Variants in SNAP29 observed in about 807,000 individuals in gnomAD.
The protein encoded by SNAP29 is synaptosomal-associated protein 29.
A neutral mutation model predicts 27.9 loss-of-function variants in SNAP29; 13 were observed. The ratio of observed to expected loss-of-function variants is 0.47; its 90% CI spans 0.30 to 0.74. The LOEUF (loss-of-function observed/expected upper bound fraction) is 0.74, where lower values mean the gene tolerates loss of function less well. SNAP29 is among the 30% of genes least tolerant of loss of function. SNAP29 has a pLI of 0.06. For synonymous variants in SNAP29, 119 were observed against 127.1 expected (o/e 0.94, Z 0.43); for missense variants, 368 against 336.5 (o/e 1.09, Z -0.73).
chr22:20,883,049 A>C (rs925135650), intron 3 of SNAP29, among the ~76,000 whole-genome samples: 1 of 151,820 alleles, frequency 6.6e-6, no homozygotes, highest in Non-Finnish European at 1.5e-5. Context: ...GTGTAGAAAT[A>C]AATTTCAGAA....
In SNAP29 at chr22:20,883,556, C is replaced by A. The variant is rs267606180; in HGVS notation, c.606C>A (p.Ile202=). 17 of 1,610,010 alleles carry A rather than the reference C, an allele frequency of 1.1e-5. No individual in the cohort carries two copies. The Admixed American group carries it at 2.3e-4, about 22-fold the overall frequency. The change falls in exon 4 of 5, where the codon ATC becomes ATA. Residue 202 remains isoleucine (I), a synonymous_variant. Coordinates refer to ENST00000215730, the MANE Select transcript of SNAP29 (RefSeq NM_004782.4). ...ACCTTCGAGCCTATCACCAGAAGAT[C>A]GACAGCAACCTAGGTAAGACTGAGC... ...NPHLRAYHQK[I]DSNLDELSMG...
In SNAP29 at chr22:20,887,977, T is replaced by G; in HGVS notation, c.*141T>G. On this transcript the variant is annotated 3_prime_UTR_variant, in exon 5 of 5. Coordinates refer to ENST00000215730, the MANE Select transcript of SNAP29 (RefSeq NM_004782.4). Reference sequence around the variant, plus strand: ...TATAATAGAGTAGGTCTTAAGACATTTTTGCTGTTATAAGGAAGTGTTTGT... The same window carrying G: ...TATAATAGAGTAGGTCTTAAGACATGTTTGCTGTTATAAGGAAGTGTTTGT... 1 of 861,030 alleles carries G rather than the reference T, an allele frequency of 1.2e-6. No homozygotes were observed. The highest frequency in any genetic ancestry group is 1.8e-6 in the Non-Finnish European group (1 of 542,286). 53.3% of individuals were successfully genotyped at this position (861,030 alleles called of 1,614,324 possible). A position where few individuals can be genotyped will look rare whatever the true frequency, so the allele number is the denominator to read the frequency against.
intron 2 of SNAP29, among the ~76,000 whole-genome samples, chr22:20,872,423 C>T (rs1285397267): frequency 6.6e-6 from 1 of 150,434 alleles, no homozygotes. Flanking sequence ...TTTTTTGAGA[C>T]GGAGTCTCAC....
chr22:20,888,277 G>A lies in SNAP29; in HGVS notation c.*441G>A. 3.6e-6 allele frequency: 1 copy of A among 274,666 alleles called. No individual in the cohort carries two copies. The highest frequency in any genetic ancestry group is 7.0e-6 in the Non-Finnish European group (1 of 143,582). The allele number at this position is 274,666 out of a possible 1,614,324, so 17.0% of individuals were successfully genotyped here. ...GTGAACCAGTCGTTTGGTGGAGGAG[G>A]GTCCTTCCCACACCTTTGTTTAGGA... On this transcript the variant is annotated 3_prime_UTR_variant, in exon 5 of 5. Coordinates refer to ENST00000215730, the MANE Select transcript of SNAP29 (RefSeq NM_004782.4).
chr22:20,883,240 G>A (rs1211759535), intron 3 of SNAP29, among the ~76,000 whole-genome samples: 1 of 152,130 alleles, frequency 6.6e-6, no homozygotes, highest in East Asian at 1.9e-4. Flanking sequence ...GAGGGTGTTT[G>A]ATCTCCCAAG....
chr22:20,873,676 A>G (rs962839639), intron 2 of SNAP29, among the ~76,000 whole-genome samples: 1 of 151,746 alleles, frequency 6.6e-6, no homozygotes, highest in African/African-American at 2.4e-5. Flanking sequence ...ACAGAAAAAC[A>G]CAAAAATGAA....
chr22:20,869,015 G>A (rs178071), intron 1 of SNAP29, among the ~76,000 whole-genome samples: 73,910 of 151,958 alleles, frequency 0.49, 18,475 homozygotes, highest in African/African-American at 0.58. Flanking sequence ...GGTGGCTCAT[G>A]CCTGTAATCC....
chr22:20,861,105 C>T (rs887441862), intron 1 of SNAP29, among the ~76,000 whole-genome samples: 1 of 150,736 alleles, frequency 6.6e-6, no homozygotes, highest in South Asian at 2.1e-4. Flanking sequence ...CCTCATTGAT[C>T]CACCTCCCTG....
chr22:20,882,084 G>A lies in SNAP29; in HGVS notation c.520+950G>A, dbSNP rs2266950. 7.6e-3 allele frequency among the ~76,000 whole-genome samples: 1,160 copies of A among 152,008 alleles called. 11 individuals carry two copies. The highest frequency in any genetic ancestry group is 0.055 in the East Asian group (283 of 5,152). On this transcript the variant is annotated intron_variant, in intron 3 of 4. Transcript: ENST00000215730. ...AAGGGGCCCACCTGCCAAGGTACAC[G>A]GGTGAACTGTAGAAACTGCAAAAGG... is the stretch of plus-strand genomic sequence containing the variant.
At chr22:20,860,004 C>T (rs1295321105) in intron 1 of SNAP29, among the ~76,000 whole-genome samples, 1 of 152,166 alleles carries the variant, frequency 6.6e-6, no homozygotes, top group Non-Finnish European at 1.5e-5. Flanking sequence ...GTTGCTCCAA[C>T]TCATCTTCAT....
intron 3 of SNAP29, among the ~76,000 whole-genome samples, chr22:20,882,627 T>G (rs1928915447): frequency 6.6e-6 from 1 of 151,918 alleles, no homozygotes; most frequent in Non-Finnish European, 1.5e-5. Flanking sequence ...AGGAAGTGAG[T>G]GTAAATTGAA....
Position 20,859,359 on chromosome 22 carries a change from G to T in SNAP29, c.237+12G>T. The T allele has an allele frequency of 1.3e-6, 2 of 1,579,264 alleles. No homozygotes were observed. The highest frequency in any genetic ancestry group is 1.7e-6 in the Non-Finnish European group (2 of 1,148,334). On this transcript the variant is annotated intron_variant, in intron 1 of 4. Transcript: ENST00000215730. ...TCGCCTCTTCCGAGGTGAGCCTGGG[G>T]CAGGGCTGGTGTGGACTCGCCGGTC...
At position 20,890,146 on chromosome 22, in the gene SNAP29, C is replaced by G. The variant is rs1929114919; in HGVS notation, c.*2310C>G. On this transcript the variant is annotated 3_prime_UTR_variant, in exon 5 of 5. Coordinates refer to ENST00000215730, the MANE Select transcript of SNAP29 (RefSeq NM_004782.4). ...TCCTTTCTGCCACTTCTTCCCCACT[C>G]CCATGCCCAGGAAGGCCTGGTTGCT... 2.5e-6 allele frequency: 1 copy of G among 396,958 alleles called. No homozygotes were observed. The highest frequency in any genetic ancestry group is 4.4e-6 in the Non-Finnish European group (1 of 225,478). 24.6% of individuals were successfully genotyped at this position (396,958 alleles called of 1,614,324 possible). A position where few individuals can be genotyped will look rare whatever the true frequency, so the allele number is the denominator to read the frequency against.
intron 1 of SNAP29, among the ~76,000 whole-genome samples, chr22:20,864,428 G>T (rs1928409968): frequency 6.6e-6 from 1 of 152,102 alleles, no homozygotes; most frequent in Non-Finnish European, 1.5e-5. Context: ...ACCCCTCCTG[G>T]CCCAGGAGCA....
intron 2 of SNAP29, among the ~76,000 whole-genome samples, chr22:20,876,569 T>G (rs1356322649): frequency 8.1e-6 from 1 of 122,862 alleles, no homozygotes; most frequent in Non-Finnish European, 1.8e-5. Context: ...ACTTAAAAGC[T>G]TTTTTTTTTT....
intron 2 of SNAP29, among the ~76,000 whole-genome samples, chr22:20,872,196 A>G (rs1928609322): frequency 6.6e-6 from 1 of 151,896 alleles, no homozygotes; most frequent in Non-Finnish European, 1.5e-5. Context: ...CTCAGGTTCC[A>G]TAACCATCTC....
chr22:20,859,611 C>T (rs1928185481), intron 1 of SNAP29: 1 of 527,452 alleles, frequency 1.9e-6, no homozygotes. Context: ...GCCTAGCTCA[C>T]GGGGAAACGC....
intron 1 of SNAP29, among the ~76,000 whole-genome samples, chr22:20,867,795 A>G (rs1172172697): frequency 2.0e-5 from 3 of 152,216 alleles, no homozygotes; most frequent in Admixed American, 1.3e-4. Context: ...TCTCTTGTGA[A>G]TAAGAGAAAA....
At chr22:20,882,400 G>T (rs916430188) in intron 3 of SNAP29, among the ~76,000 whole-genome samples, 6 of 152,036 alleles carry the variant, frequency 3.9e-5, no homozygotes, top group Non-Finnish European at 8.8e-5. Flanking sequence ...GGCTCCTGGG[G>T]CCTCCTCCAT....
Sources: gnomAD v4.1 joint callset for allele counts (sites outside exome capture counted in the v4.1 genomes callset) on GRCh38, gnomAD v4.1.1 for gene constraint, MANE v1.5 for transcripts, NCBI Gene and HGNC (gene_info 2026-07-23, HGNC 2026-07-21) for gene names.